TMEM181: variants seen among roughly 807,000 people sequenced by gnomAD.
TMEM181 encodes transmembrane protein 181, also known as G protein-coupled receptor 178.
In TMEM181, 39 loss-of-function variants were observed where a neutral mutation model predicts 71.9. That is an observed-to-expected ratio of 0.54 (90% CI 0.42 to 0.71). TMEM181 has a LOEUF of 0.71. Ranked by LOEUF, TMEM181 falls within the 30% of genes least tolerant of loss-of-function variation. The pLI is 0.00. For missense variants in TMEM181, 595 were observed against 583.0 expected, an observed-to-expected ratio of 1.02 and a Z score of -0.21; for synonymous variants, 245 against 228.8, an observed-to-expected ratio of 1.07 and a Z score of -0.64.
intron 6 of TMEM181, among the ~76,000 whole-genome samples, chr6:158,596,564 C>T (rs1339128414): frequency 6.6e-6 from 1 of 152,202 alleles, no homozygotes; most frequent in African/African-American, 2.4e-5. Flanking sequence ...CACTAACCAG[C>T]TCTTCTTCCT....
intron 10 of TMEM181, among the ~76,000 whole-genome samples, chr6:158,611,976 A>ACCCCCC (rs55849301): frequency 7.7e-6 from 1 of 130,176 alleles, no homozygotes; most frequent in Non-Finnish European, 1.7e-5. Context: ...CTGCAGGGAT[A>ACCCCCC]CCCCCCCCAC....
chr6:158,605,062 G>A (rs1323914459), intron 6 of TMEM181, among the ~76,000 whole-genome samples: 2 of 149,542 alleles, frequency 1.3e-5, no homozygotes, highest in African/African-American at 4.9e-5. Context: ...TGCAGTGAGC[G>A]AAGATTGCGC....
chr6:158,622,763 T>G (rs1226156668), intron 10 of TMEM181, among the ~76,000 whole-genome samples: 1 of 152,230 alleles, frequency 6.6e-6, no homozygotes, highest in African/African-American at 2.4e-5. Context: ...TCTACTGGTC[T>G]ATGATGAAAG....
At chr6:158,586,941 T>TA (rs1216506867) in intron 5 of TMEM181, among the ~76,000 whole-genome samples, 1 of 152,122 alleles carries the variant, frequency 6.6e-6, no homozygotes, top group African/African-American at 2.4e-5. Context: ...GTGCGATCAG[T>TA]ACTGCTGAAG....
intron 1 of TMEM181, among the ~76,000 whole-genome samples, chr6:158,553,351 C>T (rs1242436515): frequency 6.6e-6 from 1 of 152,072 alleles, no homozygotes; most frequent in Non-Finnish European, 1.5e-5. Context: ...AACAATTATA[C>T]CTAGATTACT....
chr6:158,621,644 C>CT (rs1357615919), intron 10 of TMEM181: 1 of 153,854 alleles, frequency 6.5e-6, no homozygotes, highest in Non-Finnish European at 1.5e-5. Flanking sequence ...CATGGACCCC[C>CT]TTCCCTCTTC....
intron 2 of TMEM181, among the ~76,000 whole-genome samples, chr6:158,575,352 T>G (rs1402008133): frequency 7.2e-6 from 1 of 138,054 alleles, no homozygotes; most frequent in African/African-American, 2.9e-5. Context: ...GGAGTCCAGA[T>G]TCTTCTTTTT....
chr6:158,584,242 T>TC lies in TMEM181; in HGVS notation c.259+200dup, dbSNP rs1443737355. On this transcript the variant is annotated intron_variant, in intron 4 of 16. Coordinates refer to ENST00000684151, the MANE Select transcript of TMEM181 (RefSeq NM_001376852.1). ...GAGAGAAAGTTGCGATAGATAGACG[T>TC]CCTCCGTGGAGTCCTGGTTAGCTCC... Among the ~76,000 whole-genome samples, 7 of 152,352 alleles carry TC rather than the reference T, an allele frequency of 4.6e-5. No individual in the cohort carries two copies. In the East Asian group the frequency reaches 1.2e-3, roughly 25 times the overall value.
chr6:158,623,423 C>A, intron 10 of TMEM181, 127 bp from the exon 11 acceptor site: 3 of 549,850 alleles, frequency 5.5e-6, no homozygotes, highest in South Asian at 6.0e-5. Flanking sequence ...TTGTAAAAAT[C>A]CTTCACTGTT....
rs575974845 is a variant in TMEM181, at chr6:158,632,146, G to T, written c.*258G>T. On this transcript the variant is annotated 3_prime_UTR_variant, in exon 17 of 17. Coordinates refer to ENST00000684151, the MANE Select transcript of TMEM181 (RefSeq NM_001376852.1). ...ATCCTTTTTTACAGAGATTTCAGAT[G>T]AGCGTGTTTTCAGTGATGAGGAAAT... The T allele has an allele frequency of 4.2e-6, 2 of 476,600 alleles. No individual in the cohort carries two copies. The highest frequency in any genetic ancestry group is 1.9e-5 in the African/African-American group (1 of 51,612). The allele number at this position is 476,600 out of a possible 1,614,324, so 29.5% of individuals were successfully genotyped here. A position where few individuals can be genotyped will look rare whatever the true frequency, so the allele number is the denominator to read the frequency against.
rs1554228494 is a variant in TMEM181 at position 158,611,984 on chromosome 6, C to CCCCA, written c.896+3234_896+3235insCCCA. On this transcript the variant is annotated intron_variant, in intron 10 of 16. Coordinates refer to ENST00000684151, the MANE Select transcript of TMEM181 (RefSeq NM_001376852.1). ...CCTGCAGCTGCAGGGATACCCCCCCCACCTCCTAGTCTGCTTTTAGCTTGT... is the reference window on the plus strand; with the variant it reads ...CCTGCAGCTGCAGGGATACCCCCCCCCCCAACCTCCTAGTCTGCTTTTAGCTTGT... 1.7e-3 allele frequency among the ~76,000 whole-genome samples: 264 copies of CCCCA among 151,662 alleles called. 1 individual carries two copies. The highest frequency in any genetic ancestry group is 4.9e-3 in the East Asian group (25 of 5,068).
At chr6:158,610,925 TG>T in intron 10 of TMEM181, 2 of 411,692 alleles carry the variant, frequency 4.9e-6, no homozygotes, top group Non-Finnish European at 4.7e-6. Context: ...AGGGTTTCAG[TG>T]GGACGGGTTC....
chr6:158,547,366 GT>G lies in TMEM181; in HGVS notation c.131+10509del, dbSNP rs528332953. Among the ~76,000 whole-genome samples, 158 of 152,158 alleles carry G rather than the reference GT, an allele frequency of 1.0e-3. No homozygotes were observed. The South Asian group carries it at 0.024, about 23-fold the overall frequency. ...GTTTGGGGTTTAGCCTGAGCACTGG[GT>G]TTTTTTTAAAGCTCCCCAGGTGATT... is the stretch of plus-strand genomic sequence containing the variant. On this transcript the variant is annotated intron_variant, in intron 1 of 16. Transcript: ENST00000367090.
intron 1 of TMEM181, among the ~76,000 whole-genome samples, chr6:158,549,110 CTTTT>C (rs33969411): frequency 4.0e-4 from 27 of 67,516 alleles, no homozygotes; most frequent in African/African-American, 1.4e-3. Context: ...GTGCACACTT[CTTTT>C]TTTTTTTTTT....
At chr6:158,544,520 C>T (rs1781462535) in intron 1 of TMEM181, among the ~76,000 whole-genome samples, 1 of 152,124 alleles carries the variant, frequency 6.6e-6, no homozygotes, top group Non-Finnish European at 1.5e-5. Flanking sequence ...GGGCAGAAGG[C>T]GGCTGAAAGC....
intron 2 of TMEM181, among the ~76,000 whole-genome samples, chr6:158,575,842 G>C (rs1783124250): frequency 6.6e-6 from 1 of 152,124 alleles, no homozygotes; most frequent in Non-Finnish European, 1.5e-5. Flanking sequence ...GAGGATTGTT[G>C]GCAGACAATC....
At chr6:158,566,256 G>A (rs1184322196) in intron 1 of TMEM181, among the ~76,000 whole-genome samples, 2 of 152,068 alleles carry the variant, frequency 1.3e-5, no homozygotes, top group African/African-American at 2.4e-5. Context: ...GGGGTCTGGA[G>A]TTGAGGGGAG....
chr6:158,631,243 C>T (rs1400807788), intron 15 of TMEM181, 80 bp from the exon 16 acceptor site: 2 of 1,472,862 alleles, frequency 1.4e-6, no homozygotes, highest in Non-Finnish European at 1.9e-6. Context: ...AACTCCCTTC[C>T]TTTGTCCGGG....
chr6:158,587,397 T>G (rs566126879), intron 5 of TMEM181, among the ~76,000 whole-genome samples: 108 of 152,340 alleles, frequency 7.1e-4, no homozygotes, highest in Non-Finnish European at 1.2e-3. Context: ...TTGCTTCTGT[T>G]CCTTGTCTAC....
Sources: allele counts gnomAD v4.1 joint callset (sites outside exome capture counted in the v4.1 genomes callset), GRCh38; gene constraint gnomAD v4.1.1; transcripts MANE v1.5; gene names NCBI Gene and HGNC (gene_info 2026-07-23, HGNC 2026-07-21).